Variants in GAD1 observed in about 807,000 individuals in gnomAD.
The protein encoded by GAD1 is glutamate decarboxylase 1, also known as 67 kDa glutamic acid decarboxylase.
GAD1 carries 35 observed loss-of-function variants against 75.2 expected under a neutral mutation model. The ratio of observed to expected loss-of-function variants is 0.47; its 90% CI spans 0.36 to 0.62. The LOEUF (loss-of-function observed/expected upper bound fraction) is 0.62, where lower values mean the gene tolerates loss of function less well. Ranked by LOEUF, GAD1 falls within the 20% of genes least tolerant of loss-of-function variation. GAD1 has a pLI of 0.00. For synonymous variants in GAD1, 257 were observed against 271.9 expected (o/e 0.95, Z 0.54); for missense variants, 490 against 758.5 (o/e 0.65, Z 4.16).
At position 170,857,122 on chromosome 2, in the gene GAD1, C is replaced by T. The variant is rs200287610; in HGVS notation, c.1518C>T (p.Gly506=). Residue 506 remains glycine, a synonymous_variant, in exon 15 of 17, where the codon GGC becomes GGT. Coordinates refer to ENST00000358196, the MANE Select transcript of GAD1 (RefSeq NM_000817.3). ...NREEFEMVFN[G]EPEHTNVCFW... ...AAGAATTTGAGATGGTTTTCAATGG[C>T]GAGGTAGGTAATCATCATGGACCAG... The T allele has an allele frequency of 1.5e-5, 24 of 1,610,252 alleles. No homozygotes were observed. The highest frequency in any genetic ancestry group is 5.5e-5 in the South Asian group (5 of 90,986).
intron 1 of GAD1, 59 bp downstream of exon 1, chr2:170,817,107 G>T (rs1306013148): frequency 6.5e-6 from 1 of 154,026 alleles, no homozygotes; most frequent in African/African-American, 2.4e-5. Flanking sequence ...TTTCAGCCAG[G>T]TCCTCTCCTC....
Position 170,845,503 on chromosome 2 carries a change from CAG to C in GAD1, c.752-2_752-1del. On this transcript the variant is annotated splice_acceptor_variant, in intron 7 of 16. Transcript: ENST00000358196. LOFTEE classifies it high-confidence loss of function. ...ACCTCCCAATATGTCCGCTTGCTGA[CAG>C]GGGGCGCCATATCCAACATGTACAG... is the stretch of plus-strand genomic sequence containing the variant. 1.2e-6 allele frequency: 2 copies of C among 1,612,610 alleles called. No homozygotes were observed. Among genetic ancestry groups the C allele is most frequent in the Non-Finnish European group, 1.7e-6 (2 of 1,179,446 alleles).
At chr2:170,830,920 G>T in intron 4 of GAD1, 30 bp from the exon 5 acceptor site, 1 of 1,614,104 alleles carries the variant, frequency 6.2e-7, no homozygotes. Flanking sequence ...TGAGTCAGGT[G>T]AAAACCATTC....
chr2:170,831,713 AT>A (rs1414904735), intron 5 of GAD1, among the ~76,000 whole-genome samples: 1 of 143,002 alleles, frequency 7.0e-6, no homozygotes, highest in Non-Finnish European at 1.5e-5. Flanking sequence ...AAATAATAAA[AT>A]TTAAAAATAA....
intron 5 of GAD1, among the ~76,000 whole-genome samples, chr2:170,834,028 G>A (rs1392392934): frequency 2.0e-5 from 3 of 151,812 alleles, no homozygotes; most frequent in Admixed American, 1.3e-4. Context: ...GAGAGAGAGA[G>A]AAAGCATTGA....
At position 170,847,876 on chromosome 2, in the gene GAD1, C is replaced by A. The variant is rs1702667848; in HGVS notation, c.1119+84C>A. 4 of 860,296 alleles carry A rather than the reference C, an allele frequency of 4.6e-6. No individual in the cohort carries two copies. The South Asian group carries it at 5.3e-5, about 11-fold the overall frequency. The allele number at this position is 860,296 out of a possible 1,614,324, so 53.3% of individuals were successfully genotyped here. On this transcript the variant is annotated intron_variant, in intron 11 of 16. Transcript: ENST00000358196. Reference sequence around the variant, plus strand: ...GACTTGCCTCAAGCTTCTCCCCACGCCCCAGCCAGCCCTCTCTCCACACCA... The same window carrying A: ...GACTTGCCTCAAGCTTCTCCCCACGACCCAGCCAGCCCTCTCTCCACACCA...
intron 3 of GAD1, 70 bp from the exon 4 acceptor site, chr2:170,829,405 C>A: frequency 6.6e-7 from 1 of 1,523,814 alleles, no homozygotes; most frequent in Non-Finnish European, 9.1e-7. Flanking sequence ...AGAGTTGATT[C>A]ACTCTGCAGC....
intron 6 of GAD1, among the ~76,000 whole-genome samples, chr2:170,840,826 C>G (rs923132770): frequency 1.4e-4 from 22 of 152,212 alleles, no homozygotes; most frequent in African/African-American, 5.3e-4. Flanking sequence ...ATATAGTCTT[C>G]GATCAGAGTG....
intron 3 of GAD1, among the ~76,000 whole-genome samples, chr2:170,822,444 C>T (rs1439650494): frequency 6.6e-6 from 1 of 152,230 alleles, no homozygotes; most frequent in East Asian, 1.9e-4. Flanking sequence ...AGCGCCCCCG[C>T]GCGGCAACCC....
rs375688158 is a variant in GAD1 at position 170,829,657 on chromosome 2, C to A, written c.304+24C>A. 8 of 1,609,766 alleles carry A rather than the reference C, an allele frequency of 5.0e-6. No homozygotes were observed. The African/African-American group carries it at 1.1e-4, about 22-fold the overall frequency. On this transcript the variant is annotated intron_variant, in intron 4 of 16. Coordinates refer to ENST00000358196, the MANE Select transcript of GAD1 (RefSeq NM_000817.3). ...AGGTAGCCCCTGCCCCACTCCCGCC[C>A]CATGCTAGCCAGTAGATTTCTTATT...
intron 14 of GAD1, 55 bp from the exon 15 acceptor site, chr2:170,856,963 A>G: frequency 7.2e-7 from 1 of 1,394,718 alleles, no homozygotes; most frequent in African/African-American, 1.4e-5. Flanking sequence ...TAGCCTTCCC[A>G]AATGCTCATC....
In GAD1 at chr2:170,828,205, C is replaced by T. The variant is rs117559799; in HGVS notation, c.146-1270C>T. The stretch of plus-strand genomic sequence containing the variant: ...TCTCTGCTGTCCTCACCTCTCCTCT[C>T]TCTGCTATCCTCACCCCTCCTCTTT... On this transcript the variant is annotated intron_variant, in intron 3 of 16. Transcript: ENST00000358196. Among the ~76,000 whole-genome samples, 155 of 99,512 alleles carry T rather than the reference C, an allele frequency of 1.6e-3. No homozygotes were observed. The East Asian group carries it at 0.02, about 13-fold the overall frequency. 65.3% of individuals were successfully genotyped at this position (99,512 alleles called of 152,430 possible). A position where few individuals can be genotyped will look rare whatever the true frequency, so the allele number is the denominator to read the frequency against.
intron 5 of GAD1, among the ~76,000 whole-genome samples, chr2:170,832,261 C>A (rs373540309): frequency 1.4e-4 from 22 of 152,184 alleles, no homozygotes; most frequent in African/African-American, 5.1e-4. Flanking sequence ...TGGCTATGCT[C>A]TCTCTGATGG....
chr2:170,834,035 T>C lies in GAD1; in HGVS notation c.548-2758T>C, dbSNP rs1575434412. Among the ~76,000 whole-genome samples the C allele has an allele frequency of 2.0e-5, 3 of 151,896 alleles. No individual in the cohort carries two copies. In the South Asian group the frequency reaches 6.2e-4, roughly 32 times the overall value. On this transcript the variant is annotated intron_variant, in intron 5 of 16. Transcript: ENST00000358196. The stretch of plus-strand genomic sequence containing the variant: ...AAAAGAGAGAGAGAGAGAGAAAGCA[T>C]TGACTTTCATTAGTCCAGTGTATGA...
upstream of GAD1, among the ~76,000 whole-genome samples, chr2:170,813,650 C>G (rs1229155186): frequency 3.3e-5 from 5 of 152,224 alleles, no homozygotes. Context: ...GCTCCTTCAA[C>G]GCCTCACGCT....
At position 170,853,953 on chromosome 2, in the gene GAD1, C is replaced by G. The variant is rs752869620; in HGVS notation, c.1344C>G (p.Thr448=). Residue 448 remains threonine, a synonymous_variant, in exon 14 of 17, where the codon ACC becomes ACG. Coordinates refer to ENST00000358196, the MANE Select transcript of GAD1 (RefSeq NM_000817.3). This position sits in a 1 kb window ranked among gnomAD's most constrained non-coding sequence, Gnocchi z 4.1. ...PDKQYDVSYD[T]GDKAIQCGRH... ...AGCAGTATGATGTCTCCTACGACAC[C>G]GGGGACAAGGCAATTCAGTGTGGCC... 1 of 1,614,022 alleles carries G rather than the reference C, an allele frequency of 6.2e-7. No individual in the cohort carries two copies. Among genetic ancestry groups the G allele is most frequent in the African/African-American group, 1.3e-5 (1 of 74,980 alleles).
In GAD1 at chr2:170,856,993, A is replaced by G. The variant is rs534790560; in HGVS notation, c.1414-25A>G. 5.8e-5 allele frequency: 92 copies of G among 1,593,024 alleles called. No homozygotes were observed. In the South Asian group the frequency reaches 9.9e-4, roughly 17 times the overall value. ...CTCATCACAGGGAAATGCAACCACAAACATGACTTTTCTCTTTAAAACAGG... is the reference window on the plus strand; with the variant it reads ...CTCATCACAGGGAAATGCAACCACAGACATGACTTTTCTCTTTAAAACAGG... On this transcript the variant is annotated intron_variant, in intron 14 of 16. Coordinates refer to ENST00000358196, the MANE Select transcript of GAD1 (RefSeq NM_000817.3).
chr2:170,840,950 C>CT (rs1702503361), intron 6 of GAD1, among the ~76,000 whole-genome samples: 1 of 152,204 alleles, frequency 6.6e-6, no homozygotes, highest in South Asian at 2.1e-4. Flanking sequence ...TGCCTTCGCT[C>CT]TGAGTGAACT....
At chr2:170,828,522 T>C (rs1460674034) in intron 3 of GAD1, among the ~76,000 whole-genome samples, 6 of 133,472 alleles carry the variant, frequency 4.5e-5, no homozygotes, top group African/African-American at 1.7e-4. Context: ...TCTGCTGTCC[T>C]TGCTCTCCTC....
Sources: allele counts gnomAD v4.1 joint callset (sites outside exome capture counted in the v4.1 genomes callset), GRCh38; gene constraint gnomAD v4.1.1; non-coding constraint Gnocchi (gnomAD v3.1); transcripts MANE v1.5; gene names NCBI Gene and HGNC (gene_info 2026-07-23, HGNC 2026-07-21).